The following SBNO1 variants were observed in gnomAD, a reference collection of about 807,000 sequenced individuals.
The protein encoded by SBNO1 is strawberry notch homolog 1.
In SBNO1, 23 loss-of-function variants were observed where a neutral mutation model predicts 173.6. The ratio of observed to expected loss-of-function variants is 0.13; its 90% CI spans 0.10 to 0.19. The LOEUF (loss-of-function observed/expected upper bound fraction) is 0.19. SBNO1 is among the 10% of genes least tolerant of loss of function. SBNO1 has a pLI of 1.00. For missense variants in SBNO1, 1,238 were observed against 1,671.2 expected, an observed-to-expected ratio of 0.74 and a Z score of 4.52; for synonymous variants, 632 against 571.5, an observed-to-expected ratio of 1.11 and a Z score of -1.51.
chr12:123,311,724 A>ATATC (rs1868575011), intron 24 of SBNO1, among the ~76,000 whole-genome samples: 1 of 62,954 alleles, frequency 1.6e-5, no homozygotes, highest in Non-Finnish European at 3.5e-5. Flanking sequence ...ATCTATCTAT[A>ATATC]TATATATATA....
intron 9 of SBNO1, among the ~76,000 whole-genome samples, chr12:123,329,625 C>A (rs1233667139): frequency 6.6e-6 from 1 of 152,056 alleles, no homozygotes; most frequent in Non-Finnish European, 1.5e-5. Flanking sequence ...CCACTTACAT[C>A]CTTTTAGTTC....
rs747669249 is a variant in SBNO1 at position 123,336,493 on chromosome 12, T to C, written c.652-2A>G. The C allele has an allele frequency of 6.3e-7, 1 of 1,599,484 alleles. No homozygotes were observed. Among genetic ancestry groups the C allele is most frequent in the Admixed American group, 1.7e-5 (1 of 58,008 alleles). ...ATCTTCTTTTACAACAGGAACCTTC[T>C]GCAACACAGAAAGAGCACAATCAAT... On this transcript the variant is annotated splice_acceptor_variant, in intron 5 of 31. Transcript: ENST00000602398. LOFTEE classifies it high-confidence loss of function.
At chr12:123,357,033 A>G (rs2139095860) in intron 1 of SBNO1, among the ~76,000 whole-genome samples, 1 of 152,346 alleles carries the variant, frequency 6.6e-6, no homozygotes, top group East Asian at 1.9e-4. Context: ...ATCCAGTTAG[A>G]GATACAGTTC....
At chr12:123,362,181 A>T (rs886171082) in intron 1 of SBNO1, among the ~76,000 whole-genome samples, 1 of 151,218 alleles carries the variant, frequency 6.6e-6, no homozygotes, top group East Asian at 1.9e-4. Context: ...TCACGCCTGC[A>T]ATCCCAGCAC....
chr12:123,349,428 A>G (rs1196627706), intron 2 of SBNO1, among the ~76,000 whole-genome samples: 1 of 152,104 alleles, frequency 6.6e-6, no homozygotes, highest in Non-Finnish European at 1.5e-5. Flanking sequence ...GCTTTCAGAG[A>G]ATGTATATAA....
At chr12:123,296,085 C>A in intron 31 of SBNO1, 35 bp from the exon 32 acceptor site, 1 of 1,371,306 alleles carries the variant, frequency 7.3e-7, no homozygotes, top group Non-Finnish European at 1.0e-6. Context: ...CAAGTTGTGT[C>A]CAGAAGAAAC....
intron 3 of SBNO1, among the ~76,000 whole-genome samples, chr12:123,346,599 G>A (rs1188840625): frequency 6.6e-6 from 1 of 152,174 alleles, no homozygotes. Context: ...AGGAGGCGGA[G>A]GTTGCAGTGC....
intron 5 of SBNO1, among the ~76,000 whole-genome samples, chr12:123,338,161 T>C (rs564956501): frequency 6.6e-6 from 1 of 152,342 alleles, no homozygotes; most frequent in East Asian, 1.9e-4. Flanking sequence ...CCTGGGGTTG[T>C]CAGGTACTCC....
chr12:123,334,640 G>A (rs900115009), intron 6 of SBNO1, among the ~76,000 whole-genome samples: 3 of 152,108 alleles, frequency 2.0e-5, no homozygotes, highest in Non-Finnish European at 2.9e-5. Flanking sequence ...CCCAGGAGAC[G>A]GAGGTTGCAG....
intron 24 of SBNO1, among the ~76,000 whole-genome samples, chr12:123,312,291 T>A (rs1385322511): frequency 1.3e-5 from 2 of 152,004 alleles, no homozygotes; most frequent in African/African-American, 4.8e-5. Flanking sequence ...AGGTGTAGGG[T>A]TAAGACTTTA....
At chr12:123,313,939 C>T (rs1400182229) in intron 23 of SBNO1, among the ~76,000 whole-genome samples, 1 of 151,930 alleles carries the variant, frequency 6.6e-6, no homozygotes, top group Non-Finnish European at 1.5e-5. Flanking sequence ...AAAAAATTAG[C>T]TGGGTGTGGT....
chr12:123,297,492 G>A (rs73231950), intron 31 of SBNO1, among the ~76,000 whole-genome samples: 44,738 of 148,704 alleles, frequency 0.3, 8,741 homozygotes, highest in East Asian at 0.7. Flanking sequence ...TGCTGTAAGC[G>A]AAACCAAGAT....
chr12:123,351,250 C>T (rs546314276), intron 1 of SBNO1, among the ~76,000 whole-genome samples: 8 of 152,142 alleles, frequency 5.3e-5, no homozygotes, highest in Non-Finnish European at 1.0e-4. Flanking sequence ...GCCCTGTACA[C>T]CATGCTGGAG....
In SBNO1 at chr12:123,334,101, A is replaced by G. The variant is rs762635921; in HGVS notation, c.861T>C (p.Asn287=). ...CAAGCTGCAATGCTGATAACCAGCC[A>G]TTATCAATGGTTTCCTCAGAAATGG... is the stretch of plus-strand genomic sequence containing the variant. ...KTSISEETID[N]GWLSALQLEA... Residue 287 remains asparagine, a synonymous_variant, in exon 7 of 32, where the codon AAT becomes AAC. Transcript: ENST00000602398. 3.0e-5 allele frequency: 48 copies of G among 1,604,650 alleles called. No individual in the cohort carries two copies. The East Asian group carries it at 1.1e-3, about 36-fold the overall frequency.
Position 123,330,423 on chromosome 12 carries a change from T to C in SBNO1, c.1130A>G (p.Asn377Ser), listed in dbSNP as rs1871080427. The change falls in exon 9 of 32, where the codon AAT becomes AGT. Residue 377 changes from asparagine to serine, a missense_variant. By Grantham distance (46) the Asn-to-Ser change is conservative. Around this residue, in one of 14 missense-constraint regions of SBNO1, gnomAD observed 56 missense variants for 65.1 expected, o/e 0.86. Coordinates refer to ENST00000602398, the MANE Select transcript of SBNO1 (RefSeq NM_001167856.3). ...CTGAATAAAAAGATTTCATACCTTA[T>C]TTAACGAATGAACCAAAATGTTTTT... ...GAKNILVHSL[N>S]KFKYGKISSK... 6.5e-7 allele frequency: 1 copy of C among 1,536,128 alleles called. No individual in the cohort carries two copies. The highest frequency in any genetic ancestry group is 1.7e-4 in the Middle Eastern group (1 of 5,932).
chr12:123,314,555 C>A (rs1869039652), intron 23 of SBNO1, among the ~76,000 whole-genome samples: 1 of 152,006 alleles, frequency 6.6e-6, no homozygotes, highest in African/African-American at 2.4e-5. Flanking sequence ...GTCTCGATCT[C>A]ATGACCTCGT....
intron 1 of SBNO1, among the ~76,000 whole-genome samples, chr12:123,359,832 A>C (rs1324019939): frequency 6.6e-6 from 1 of 152,238 alleles, no homozygotes; most frequent in Non-Finnish European, 1.5e-5. Flanking sequence ...TTCAAGCCAC[A>C]ACAAATTGCA....
At chr12:123,319,812 A>C in intron 20 of SBNO1, 88 bp downstream of exon 20, 1 of 1,132,242 alleles carries the variant, frequency 8.8e-7, no homozygotes, top group South Asian at 1.4e-5. Flanking sequence ...GACATGACTT[A>C]TATTAAAAGG....
In SBNO1 at chr12:123,364,800, A is replaced by AGCGGTGGCGGCGGCAGCAGCG. The variant is rs1566062658; in HGVS notation, c.-101_-100insCGCTGCTGCCGCCGCCACCGC. On this transcript the variant is annotated 5_prime_UTR_variant, in exon 1 of 32. Coordinates refer to ENST00000602398, the MANE Select transcript of SBNO1 (RefSeq NM_001167856.3). ...CGGAGGCGGCGGTGGCGGCGGCAGC[A>AGCGGTGGCGGCGGCAGCAGCG]GCGGCGTCCTGCTCTGCCTACCTCC... is the stretch of plus-strand genomic sequence containing the variant. 2.0e-6 allele frequency: 2 copies of AGCGGTGGCGGCGGCAGCAGCG among 987,376 alleles called. No individual in the cohort carries two copies. The highest frequency in any genetic ancestry group is 6.2e-5 in the Admixed American group (1 of 16,256). The allele number at this position is 987,376 out of a possible 1,614,324, so 61.2% of individuals were successfully genotyped here. A position where few individuals can be genotyped will look rare whatever the true frequency, so the allele number is the denominator to read the frequency against.
Sources: gnomAD v4.1 joint callset for allele counts (sites outside exome capture counted in the v4.1 genomes callset) on GRCh38, gnomAD v4.1.1 for gene constraint, gnomAD v4.1.1 regional missense constraint, MANE v1.5 for transcripts, NCBI Gene and HGNC (gene_info 2026-07-23, HGNC 2026-07-21) for gene names.